CUL3: variants seen among roughly 807,000 people sequenced by gnomAD.
CUL3 encodes the protein cullin-3.
A neutral mutation model predicts 89.1 loss-of-function variants in CUL3; 19 were observed. The ratio of observed to expected loss-of-function variants is 0.21; its 90% CI spans 0.15 to 0.31. The LOEUF (loss-of-function observed/expected upper bound fraction) is 0.31. Among genes scored for constraint, CUL3 ranks in the 10% least tolerant of loss-of-function variants. The pLI, the probability that CUL3 is intolerant of heterozygous loss-of-function variation, is 1.00. For synonymous variants in CUL3, 351 were observed against 308.4 expected (o/e 1.14, Z -1.45); for missense variants, 469 against 942.3 (o/e 0.50, Z 6.58).
intron 1 of CUL3, among the ~76,000 whole-genome samples, chr2:224,570,238 CAAT>C (rs1455203396): frequency 6.6e-6 from 1 of 152,140 alleles, no homozygotes; most frequent in African/African-American, 2.4e-5. Flanking sequence ...ATGACATCTG[CAAT>C]AATACCATTT....
intron 2 of CUL3, among the ~76,000 whole-genome samples, chr2:224,548,845 T>A (rs534203060): frequency 1.3e-5 from 2 of 151,224 alleles, no homozygotes; most frequent in Admixed American, 6.6e-5. Context: ...CAAAAAAATA[T>A]ACAAAAATTT....
At chr2:224,543,910 A>G (rs1200140888) in intron 2 of CUL3, among the ~76,000 whole-genome samples, 2 of 152,082 alleles carry the variant, frequency 1.3e-5, no homozygotes, top group Non-Finnish European at 2.9e-5. Context: ...ACTTAAGCCC[A>G]GGAGGTGGAA....
At chr2:224,501,457 ACT>A (rs1267806780) in intron 10 of CUL3, among the ~76,000 whole-genome samples, 2 of 152,098 alleles carry the variant, frequency 1.3e-5, no homozygotes, top group Non-Finnish European at 2.9e-5. Flanking sequence ...CACAACAAAA[ACT>A]CTTAAAGATT....
At chr2:224,540,745 A>G (rs146772510) in intron 2 of CUL3, among the ~76,000 whole-genome samples, 4 of 152,290 alleles carry the variant, frequency 2.6e-5, no homozygotes, top group Non-Finnish European at 5.9e-5. Flanking sequence ...GGTTTGTTAC[A>G]TAGGTATATG....
chr2:224,499,271 T>G (rs1038318971), intron 11 of CUL3: 1 of 156,460 alleles, frequency 6.4e-6, no homozygotes, highest in Admixed American at 6.5e-5. Flanking sequence ...ACCAATGAAT[T>G]TTTTGTAGTA....
intron 11 of CUL3, among the ~76,000 whole-genome samples, chr2:224,498,172 A>G (rs992877014): frequency 5.3e-5 from 8 of 152,106 alleles, no homozygotes; most frequent in Non-Finnish European, 8.8e-5. Flanking sequence ...CCAATAATCA[A>G]TTTGTTCTAA....
Position 224,540,309 on chromosome 2 carries a change from C to T in CUL3, c.265-4668G>A, listed in dbSNP as rs1379435837. On this transcript the variant is annotated intron_variant, in intron 2 of 15. Transcript: ENST00000264414. Reference sequence around the variant, plus strand: ...CTGACCTCAAGTGATCCACTCGCCTCGGCCTCCCAAGGTGCTGGGATTACA... The same window carrying T: ...CTGACCTCAAGTGATCCACTCGCCTTGGCCTCCCAAGGTGCTGGGATTACA... Among the ~76,000 whole-genome samples, 4 of 151,866 alleles carry T rather than the reference C, an allele frequency of 2.6e-5. No individual in the cohort carries two copies. In the East Asian group the frequency reaches 5.8e-4, roughly 22 times the overall value.
intron 11 of CUL3, 106 bp downstream of exon 11, chr2:224,500,257 T>C (rs1692328575): frequency 1.5e-6 from 2 of 1,311,360 alleles, no homozygotes; most frequent in East Asian, 4.7e-5. Context: ...CACGAGGTAA[T>C]AAATGGAATA....
At chr2:224,524,514 C>A (rs1225769520) in intron 3 of CUL3, among the ~76,000 whole-genome samples, 1 of 152,090 alleles carries the variant, frequency 6.6e-6, no homozygotes, top group Non-Finnish European at 1.5e-5. Flanking sequence ...CAGAAGGCAA[C>A]CTGGCAAACA....
In CUL3 at chr2:224,473,212, T is replaced by C; in HGVS notation, c.*1033A>G. 1 of 193,962 alleles carries C rather than the reference T, an allele frequency of 5.2e-6. No individual in the cohort carries two copies. The highest frequency in any genetic ancestry group is 6.1e-5 in the Admixed American group (1 of 16,362). The allele number at this position is 193,962 out of a possible 1,614,324, so 12.0% of individuals were successfully genotyped here. A position where few individuals can be genotyped will look rare whatever the true frequency, so the allele number is the denominator to read the frequency against. On this transcript the variant is annotated 3_prime_UTR_variant, in exon 16 of 16. Coordinates refer to ENST00000264414, the MANE Select transcript of CUL3 (RefSeq NM_003590.5). Reference sequence around the variant, plus strand: ...ATTAAAACTATCAAGGTCATCATATTTATTGCATCTTTAGATTGCATTTTG... The same window carrying C: ...ATTAAAACTATCAAGGTCATCATATCTATTGCATCTTTAGATTGCATTTTG...
intron 10 of CUL3, 83 bp downstream of exon 10, chr2:224,502,882 G>A (rs1692445241): frequency 5.4e-6 from 5 of 921,696 alleles, no homozygotes. Flanking sequence ...AGAAACAACT[G>A]TCATCTGCTA....
intron 9 of CUL3, among the ~76,000 whole-genome samples, 172 bp downstream of exon 9, chr2:224,503,480 T>A (rs577934295): frequency 4.6e-5 from 7 of 152,358 alleles, no homozygotes; most frequent in African/African-American, 1.7e-4. Flanking sequence ...TGAATGTCCC[T>A]GAACTTGAAC....
At position 224,584,490 on chromosome 2, in the gene CUL3, A is replaced by T. The variant is rs1464158773; in HGVS notation, c.66+454T>A. ...GGGGAGGGGGGCAGAGAGAGAGGGC[A>T]GCCCCTTCATCACCCTAAAAGCTAG... On this transcript the variant is annotated intron_variant, in intron 1 of 15. Coordinates refer to ENST00000264414, the MANE Select transcript of CUL3 (RefSeq NM_003590.5). Among the ~76,000 whole-genome samples the T allele has an allele frequency of 2.0e-5, 3 of 152,112 alleles. No homozygotes were observed. In the East Asian group the frequency reaches 5.8e-4, roughly 29 times the overall value.
rs537520598 is a variant in CUL3 at position 224,501,040 on chromosome 2, G to A, written c.1486-553C>T. On this transcript the variant is annotated intron_variant, in intron 10 of 15. Coordinates refer to ENST00000264414, the MANE Select transcript of CUL3 (RefSeq NM_003590.5). ...ATTTAAAAACACTGACCAAAGAATA[G>A]TTTTTGGCACATAAATCAAGTCTTA... is the stretch of plus-strand genomic sequence containing the variant. 2.0e-5 allele frequency among the ~76,000 whole-genome samples: 3 copies of A among 152,206 alleles called. No individual in the cohort carries two copies. The South Asian group carries it at 6.2e-4, about 32-fold the overall frequency.
intron 13 of CUL3, among the ~76,000 whole-genome samples, chr2:224,492,215 T>C (rs1646965589): frequency 6.6e-6 from 1 of 152,224 alleles, no homozygotes; most frequent in South Asian, 2.1e-4. Context: ...AACTTGCTAA[T>C]TGTGTTATTC....
chr2:224,478,485 CA>C, intron 14 of CUL3, 140 bp from the exon 15 acceptor site: 1 of 626,482 alleles, frequency 1.6e-6, no homozygotes, highest in Admixed American at 3.2e-5. Flanking sequence ...TTCAAGTACG[CA>C]TTCAGAAACT....
At chr2:224,560,476 T>C (rs2106310134) in intron 1 of CUL3, 1 of 153,056 alleles carries the variant, frequency 6.5e-6, no homozygotes, top group African/African-American at 2.4e-5. Context: ...TTTCCCTCAG[T>C]TGGTTTCCCC....
chr2:224,564,599 T>C (rs78761110), intron 1 of CUL3, among the ~76,000 whole-genome samples: 9 of 152,354 alleles, frequency 5.9e-5, no homozygotes, highest in Admixed American at 1.3e-4. Flanking sequence ...ACAGTACATA[T>C]AGGGCTCAGG....
At chr2:224,584,814 C>G (rs968426935) in intron 1 of CUL3, 130 bp downstream of exon 1, 1 of 493,648 alleles carries the variant, frequency 2.0e-6, no homozygotes, top group African/African-American at 2.1e-5. Context: ...GGCTCGCGCC[C>G]CGCGGCCGGC....
Sources: gnomAD v4.1 joint callset for allele counts (sites outside exome capture counted in the v4.1 genomes callset) on GRCh38, gnomAD v4.1.1 for gene constraint, MANE v1.5 for transcripts, NCBI Gene and HGNC (gene_info 2026-07-23, HGNC 2026-07-21) for gene names.